The following HINT3 variants were observed in gnomAD, a reference collection of about 807,000 sequenced individuals.
HINT3 encodes the protein histidine triad nucleotide binding protein 3, also known as adenosine 5'-monophosphoramidase HINT3.
Under a neutral mutation model 19.1 loss-of-function variants are expected in HINT3, and 16 were observed. The observed-to-expected ratio is 0.84, with a 90% CI of 0.57 to 1.27. The LOEUF is 1.27. Among genes scored for constraint, HINT3 ranks in the 50% most tolerant of loss-of-function variants. The pLI, the probability that HINT3 is intolerant of heterozygous loss-of-function variation, is 0.00. For synonymous variants in HINT3, 75 were observed against 84.8 expected (o/e 0.88, Z 0.63); for missense variants, 197 against 225.8 (o/e 0.87, Z 0.82).
chr6:125,972,145 C>A, intron 2 of HINT3, 114 bp from the exon 3 acceptor site: 1 of 681,444 alleles, frequency 1.5e-6, no homozygotes, highest in Non-Finnish European at 2.5e-6. Context: ...CTGTGCCTGG[C>A]CTGAATGTGT....
At chr6:125,960,433 C>T (rs577297120) in intron 1 of HINT3, among the ~76,000 whole-genome samples, 87 of 152,170 alleles carry the variant, frequency 5.7e-4, no homozygotes, top group African/African-American at 2.0e-3. Flanking sequence ...CTGAGGCAGG[C>T]GGATCACGAG....
chr6:125,960,369 A>C (rs1403958824), intron 1 of HINT3, among the ~76,000 whole-genome samples: 1 of 152,156 alleles, frequency 6.6e-6, no homozygotes, highest in Non-Finnish European at 1.5e-5. Context: ...ACAGTTAAGA[A>C]GTTATGGAGC....
intron 2 of HINT3, among the ~76,000 whole-genome samples, chr6:125,969,221 A>G (rs922069988): frequency 3.3e-5 from 5 of 152,196 alleles, no homozygotes; most frequent in Non-Finnish European, 7.3e-5. Flanking sequence ...TCTTCTCCAT[A>G]TAGATAACCA....
rs1433722365 is a variant in HINT3 at position 125,972,002 on chromosome 6, C to T, written c.320-257C>T. 4.6e-5 allele frequency among the ~76,000 whole-genome samples: 7 copies of T among 152,160 alleles called. No individual in the cohort carries two copies. The South Asian group carries it at 8.3e-4, about 18-fold the overall frequency. On this transcript the variant is annotated intron_variant, in intron 2 of 4. Coordinates refer to ENST00000229633, the MANE Select transcript of HINT3 (RefSeq NM_138571.5). ...CTGGGATTACAGGCATGAGCCACTG[C>T]GCCTGGCCACCCAGCTACTTTTTAA...
At chr6:125,968,186 C>T (rs1273726810) in intron 2 of HINT3, among the ~76,000 whole-genome samples, 3 of 152,178 alleles carry the variant, frequency 2.0e-5, no homozygotes, top group South Asian at 4.2e-4. Flanking sequence ...TTTAGTTGTC[C>T]CCAGTGTCTA....
chr6:125,969,099 T>C (rs1406796692), intron 2 of HINT3, among the ~76,000 whole-genome samples: 1 of 152,178 alleles, frequency 6.6e-6, no homozygotes, highest in African/African-American at 2.4e-5. Flanking sequence ...TCCAGAATGG[T>C]GTTTCCTAGG....
chr6:125,964,903 A>G (rs530883254), intron 1 of HINT3, among the ~76,000 whole-genome samples: 118 of 152,310 alleles, frequency 7.7e-4, no homozygotes, highest in Non-Finnish European at 3.2e-4. Flanking sequence ...GCTAGTTTCA[A>G]TATTTCAGAA....
chr6:125,961,060 C>G (rs1788917933), intron 1 of HINT3, among the ~76,000 whole-genome samples: 1 of 152,100 alleles, frequency 6.6e-6, no homozygotes, highest in African/African-American at 2.4e-5. Context: ...ATCCAGACTT[C>G]TATCACATCC....
intron 1 of HINT3, among the ~76,000 whole-genome samples, chr6:125,958,496 TC>T (rs1431187840): frequency 1.3e-5 from 2 of 152,136 alleles, no homozygotes; most frequent in Non-Finnish European, 2.9e-5. Context: ...AGGAGACCAG[TC>T]TGGAGGTATG....
intron 1 of HINT3, among the ~76,000 whole-genome samples, chr6:125,965,771 A>T (rs933884149): frequency 2.0e-5 from 3 of 152,136 alleles, no homozygotes; most frequent in Non-Finnish European, 2.9e-5. Flanking sequence ...AAAAAAGGAA[A>T]ATTTTAAACA....
intron 3 of HINT3, among the ~76,000 whole-genome samples, chr6:125,972,866 C>T (rs571363870): frequency 4.0e-5 from 6 of 151,886 alleles, no homozygotes; most frequent in African/African-American, 4.8e-5. Context: ...TCTGGGATTA[C>T]AGGTGTGAGT....
At position 125,962,312 on chromosome 6, in the gene HINT3, C is replaced by T. The variant is rs62426377; in HGVS notation, c.202-4575C>T. Among the ~76,000 whole-genome samples, 23 of 43,828 alleles carry T rather than the reference C, an allele frequency of 5.2e-4. 2 individuals carry two copies. The highest frequency in any genetic ancestry group is 2.4e-3 in the African/African-American group (19 of 7,950). The allele number at this position is 43,828 out of a possible 152,430, so 28.8% of individuals were successfully genotyped here. Reference sequence around the variant, plus strand: ...CACATATATATATATATATATCACACATATATATATATATATATCACACAC... The same window carrying T: ...CACATATATATATATATATATCACATATATATATATATATATATCACACAC... On this transcript the variant is annotated intron_variant, in intron 1 of 4. Coordinates refer to ENST00000229633, the MANE Select transcript of HINT3 (RefSeq NM_138571.5).
At chr6:125,971,863 C>T (rs1789106117) in intron 2 of HINT3, among the ~76,000 whole-genome samples, 1 of 151,896 alleles carries the variant, frequency 6.6e-6, no homozygotes, top group African/African-American at 2.4e-5. Context: ...GTGTGCACCA[C>T]CACGCCCGGC....
At chr6:125,973,162 G>T (rs1789133340) in intron 3 of HINT3, among the ~76,000 whole-genome samples, 1 of 123,710 alleles carries the variant, frequency 8.1e-6, no homozygotes, top group Non-Finnish European at 1.6e-5. Flanking sequence ...TGCAACCTCT[G>T]CCTCCGGAGT....
chr6:125,957,127 C>T lies in HINT3; in HGVS notation c.150C>T (p.Phe50=). The T allele has an allele frequency of 6.4e-7, 1 of 1,550,576 alleles. No homozygotes were observed. The highest frequency in any genetic ancestry group is 8.7e-7 in the Non-Finnish European group (1 of 1,146,678). ...AGGACTACGACAGCACCTGCGTGTT[C>T]TGCCGGATCGCGGGGCGGCAGGACC... is the stretch of plus-strand genomic sequence containing the variant. ...EPKDYDSTCV[F]CRIAGRQDPG... is the part of the protein sequence containing the mutation. The change falls in exon 1 of 5, where the codon TTC becomes TTT. Residue 50 remains phenylalanine, a synonymous_variant. Transcript: ENST00000229633.
At chr6:125,976,694 A>C (rs1789184093) in intron 4 of HINT3, among the ~76,000 whole-genome samples, 1 of 152,070 alleles carries the variant, frequency 6.6e-6, no homozygotes, top group Middle Eastern at 3.2e-3. Flanking sequence ...AAAACATCTT[A>C]TAAAATATGT....
intron 2 of HINT3, among the ~76,000 whole-genome samples, chr6:125,968,498 G>A (rs1789049871): frequency 6.6e-6 from 1 of 152,102 alleles, no homozygotes; most frequent in Admixed American, 6.5e-5. Flanking sequence ...CTTTTTGGTA[G>A]GATAATTTGT....
chr6:125,964,029 G>A (rs772293078), intron 1 of HINT3, among the ~76,000 whole-genome samples: 9 of 152,136 alleles, frequency 5.9e-5, no homozygotes, highest in South Asian at 2.1e-4. Context: ...TTTGGCAGGC[G>A]TACTTTGTTA....
At chr6:125,975,856 G>A in intron 4 of HINT3, among the ~76,000 whole-genome samples, 1 of 152,208 alleles carries the variant, frequency 6.6e-6, no homozygotes, top group Non-Finnish European at 1.5e-5. Context: ...GATTACAGGT[G>A]TGAGCCACTG....
Sources: gnomAD v4.1 joint callset for allele counts (sites outside exome capture counted in the v4.1 genomes callset) on GRCh38, gnomAD v4.1.1 for gene constraint, MANE v1.5 for transcripts, NCBI Gene and HGNC (gene_info 2026-07-23, HGNC 2026-07-21) for gene names.